The following NEK1 variants were observed in gnomAD, a reference collection of about 807,000 sequenced individuals.
The protein encoded by NEK1 is NIMA related kinase 1.
In NEK1, 137 loss-of-function variants were observed where a neutral mutation model predicts 182.1. The observed-to-expected ratio is 0.75, with a 90% CI of 0.65 to 0.87. The LOEUF is 0.87. Among genes scored for constraint, NEK1 ranks in the 40% least tolerant of loss-of-function variants. The pLI is 0.00. For missense variants in NEK1, 1,391 were observed against 1,494.4 expected, an observed-to-expected ratio of 0.93 and a Z score of 1.14; for synonymous variants, 513 against 492.2, an observed-to-expected ratio of 1.04 and a Z score of -0.56.
chr4:169,611,034 G>C (rs1329827380), intron 2 of NEK1, among the ~76,000 whole-genome samples: 4 of 152,144 alleles, frequency 2.6e-5, no homozygotes, highest in African/African-American at 9.7e-5. Context: ...TTCTCTGTAA[G>C]TCTATTCAGA....
At position 169,406,586 on chromosome 4, in the gene NEK1, T is replaced by A. The variant is rs765454919; in HGVS notation, c.3374+10A>T. ...CTTTTAATGCTGTTTACTAATGACA[T>A]TATACTTACATGTCTTCAGAATCAG... On this transcript the variant is annotated intron_variant, in intron 32 of 35. Coordinates refer to ENST00000507142, the MANE Select transcript of NEK1 (RefSeq NM_001199397.3). 101 of 1,574,164 alleles carry A rather than the reference T, an allele frequency of 6.4e-5. 1 individual carries two copies. The highest frequency in any genetic ancestry group is 5.6e-5 in the Admixed American group (3 of 53,644).
chr4:169,431,526 T>TAATAC (rs1554030115), intron 29 of NEK1, among the ~76,000 whole-genome samples: 9 of 151,688 alleles, frequency 5.9e-5, no homozygotes, highest in Admixed American at 2.0e-4. Flanking sequence ...GTAGACAGAC[T>TAATAC]AATAGGAAAA....
chr4:169,592,745 TG>T (rs1304473323), intron 5 of NEK1, among the ~76,000 whole-genome samples: 4 of 151,788 alleles, frequency 2.6e-5, no homozygotes, highest in Admixed American at 2.6e-4. Flanking sequence ...ATTTATTTAA[TG>T]AGGATTACAT....
chr4:169,579,096 T>C (rs1766179470), intron 11 of NEK1, among the ~76,000 whole-genome samples: 2 of 152,246 alleles, frequency 1.3e-5, no homozygotes, highest in African/African-American at 4.8e-5. Context: ...CAGTCCCATC[T>C]ACTTTCCAGA....
intron 10 of NEK1, among the ~76,000 whole-genome samples, chr4:169,581,192 T>C (rs775847191): frequency 6.6e-6 from 1 of 151,814 alleles, no homozygotes; most frequent in Admixed American, 6.6e-5. Context: ...TTTTAAAAAT[T>C]AAGAAAAATA....
intron 27 of NEK1, among the ~76,000 whole-genome samples, chr4:169,440,001 T>C (rs1032652875): frequency 2.6e-5 from 4 of 151,558 alleles, no homozygotes; most frequent in Admixed American, 2.0e-4. Context: ...CGCACGGCAC[T>C]ATGCCTGGCT....
chr4:169,513,788 G>C (rs1169309747), intron 19 of NEK1, among the ~76,000 whole-genome samples: 1 of 151,878 alleles, frequency 6.6e-6, no homozygotes, highest in African/African-American at 2.4e-5. Flanking sequence ...AATGGGTGCT[G>C]ATTTTTTTCA....
chr4:169,549,878 C>T (rs1761153007), intron 18 of NEK1, among the ~76,000 whole-genome samples: 1 of 152,132 alleles, frequency 6.6e-6, no homozygotes. Flanking sequence ...CACCACCATG[C>T]CCAGTTCATT....
At chr4:169,568,629 A>G (rs1334998271) in intron 12 of NEK1, among the ~76,000 whole-genome samples, 1 of 152,146 alleles carries the variant, frequency 6.6e-6, no homozygotes, top group Non-Finnish European at 1.5e-5. Context: ...AATACGGGCA[A>G]TATATATTTG....
At chr4:169,486,973 G>A (rs1330431858) in intron 23 of NEK1, among the ~76,000 whole-genome samples, 1 of 152,024 alleles carries the variant, frequency 6.6e-6, no homozygotes, top group Admixed American at 6.6e-5. Context: ...TAGCATACGT[G>A]ATGGCTGAAA....
At chr4:169,465,698 C>T (rs1175524276) in intron 26 of NEK1, among the ~76,000 whole-genome samples, 1 of 152,024 alleles carries the variant, frequency 6.6e-6, no homozygotes, top group Non-Finnish European at 1.5e-5. Context: ...AGGCACAAGG[C>T]AGATTATTCA....
chr4:169,468,071 A>C (rs1745258658), intron 26 of NEK1, among the ~76,000 whole-genome samples: 2 of 152,280 alleles, frequency 1.3e-5, no homozygotes, highest in African/African-American at 4.8e-5. Flanking sequence ...TCAAACAAAG[A>C]AAACTTTTAA....
chr4:169,554,852 T>C (rs1428073113), intron 18 of NEK1: 1 of 152,244 alleles, frequency 6.6e-6, no homozygotes, highest in Admixed American at 6.5e-5. Context: ...TAACAAACGT[T>C]ATCACTCAAA....
chr4:169,445,989 C>T (rs996273506), intron 27 of NEK1, among the ~76,000 whole-genome samples: 1 of 151,626 alleles, frequency 6.6e-6, no homozygotes, highest in African/African-American at 2.4e-5. Context: ...GAGAAATACA[C>T]ATTGCATGTT....
chr4:169,587,105 TA>T (rs1434848925), intron 9 of NEK1, among the ~76,000 whole-genome samples: 1 of 151,852 alleles, frequency 6.6e-6, no homozygotes, highest in African/African-American at 2.4e-5. Context: ...GTCTCAAAAG[TA>T]AAAATTTTAA....
intron 18 of NEK1, among the ~76,000 whole-genome samples, chr4:169,548,343 G>A (rs544721494): frequency 7.9e-5 from 12 of 152,274 alleles, no homozygotes; most frequent in South Asian, 2.1e-4. Context: ...TGGAAGCTTC[G>A]TCCCAAAGGG....
chr4:169,505,503 C>G (rs947463992), intron 23 of NEK1, among the ~76,000 whole-genome samples: 10 of 152,176 alleles, frequency 6.6e-5, no homozygotes, highest in Admixed American at 4.6e-4. Context: ...ATATATGTTA[C>G]TCTATGTTAC....
chr4:169,496,531 G>A (rs1278113070), intron 23 of NEK1, among the ~76,000 whole-genome samples: 1 of 151,378 alleles, frequency 6.6e-6, no homozygotes, highest in African/African-American at 2.5e-5. Context: ...TGTGATATTG[G>A]CTGTGGGTTT....
At chr4:169,559,401 G>A (rs888814695) in intron 16 of NEK1, among the ~76,000 whole-genome samples, 1 of 152,068 alleles carries the variant, frequency 6.6e-6, no homozygotes, top group Non-Finnish European at 1.5e-5. Context: ...GAGGTAATAA[G>A]TTCTACTTAA....
Sources: allele counts gnomAD v4.1 joint callset (sites outside exome capture counted in the v4.1 genomes callset), GRCh38; gene constraint gnomAD v4.1.1; transcripts MANE v1.5; gene names NCBI Gene and HGNC (gene_info 2026-07-23, HGNC 2026-07-21).